Variants in PIP4K2A observed in about 807,000 individuals in gnomAD.
PIP4K2A encodes phosphatidylinositol 5-phosphate 4-kinase type-2 alpha.
PIP4K2A carries 14 observed loss-of-function variants against 42.9 expected under a neutral mutation model. The ratio of observed to expected loss-of-function variants is 0.33; its 90% confidence interval spans 0.22 to 0.51. The LOEUF (loss-of-function observed/expected upper bound fraction) is 0.51, where lower values mean the gene tolerates loss of function less well. PIP4K2A is among the 20% of genes least tolerant of loss of function. The probability of loss-of-function intolerance (pLI) is 0.97; values close to 1 mark genes in which losing one functional copy is unlikely to be tolerated. For synonymous variants in PIP4K2A, 192 were observed against 192.2 expected (o/e 1.00, Z 0.01); for missense variants, 434 against 519.8 (o/e 0.83, Z 1.61).
At chr10:22,649,978 T>A (rs1016829815) in intron 1 of PIP4K2A, among the ~76,000 whole-genome samples, 4 of 152,212 alleles carry the variant, frequency 2.6e-5, no homozygotes, top group Non-Finnish European at 5.9e-5. Flanking sequence ...CCAGAGTTCA[T>A]GGTTCTATCT....
At chr10:22,572,428 C>A (rs1023997222) in intron 5 of PIP4K2A, among the ~76,000 whole-genome samples, 1 of 152,118 alleles carries the variant, frequency 6.6e-6, no homozygotes, top group Non-Finnish European at 1.5e-5. Flanking sequence ...TCAGCCTGGG[C>A]AACATGGTGA....
rs138005634 is a variant in PIP4K2A at position 22,657,343 on chromosome 10, G to A, written c.145-47626C>T. 9.8e-5 allele frequency among the ~76,000 whole-genome samples: 15 copies of A among 152,308 alleles called. No homozygotes were observed. In the East Asian group the frequency reaches 1.9e-3, roughly 20 times the overall value. ...CAAAGCACTTAAGATAATGAATGAC[G>A]TTTAGGAACAAAGCACCAGTCTTCC... On this transcript the variant is annotated intron_variant, in intron 1 of 9. Coordinates refer to ENST00000376573, the MANE Select transcript of PIP4K2A (RefSeq NM_005028.5).
intron 1 of PIP4K2A, among the ~76,000 whole-genome samples, chr10:22,615,813 A>T (rs1838165715): frequency 6.6e-6 from 1 of 152,350 alleles, no homozygotes; most frequent in East Asian, 1.9e-4. Context: ...CAAACACAGT[A>T]TAGTTCTCTC....
At chr10:22,584,264 C>G (rs1837342200) in intron 4 of PIP4K2A, among the ~76,000 whole-genome samples, 2 of 151,498 alleles carry the variant, frequency 1.3e-5, no homozygotes, top group African/African-American at 2.4e-5. Context: ...AATGAACGGT[C>G]AGATTTTGAA....
intron 1 of PIP4K2A, among the ~76,000 whole-genome samples, chr10:22,677,853 G>A (rs769699776): frequency 6.6e-6 from 1 of 152,292 alleles, no homozygotes; most frequent in Non-Finnish European, 1.5e-5. Context: ...CCTTCTAGCT[G>A]AAGTTTAAAT....
At chr10:22,652,121 A>AT (rs1203639866) in intron 1 of PIP4K2A, among the ~76,000 whole-genome samples, 1 of 139,774 alleles carries the variant, frequency 7.2e-6, no homozygotes, top group Admixed American at 6.9e-5. Flanking sequence ...ACTGCACACA[A>AT]ATTTTTTTTT....
intron 1 of PIP4K2A, among the ~76,000 whole-genome samples, chr10:22,680,399 T>C (rs1839635805): frequency 6.6e-6 from 1 of 152,206 alleles, no homozygotes; most frequent in Non-Finnish European, 1.5e-5. Context: ...CTTTTCTAAA[T>C]CTTCTCCAAT....
At chr10:22,558,484 A>C (rs558538088) in intron 6 of PIP4K2A, among the ~76,000 whole-genome samples, 1 of 152,324 alleles carries the variant, frequency 6.6e-6, no homozygotes, top group East Asian at 1.9e-4. Flanking sequence ...GCTTCTTGGA[A>C]CATCTAAGCC....
chr10:22,552,962 G>T (rs1186339052), intron 6 of PIP4K2A, among the ~76,000 whole-genome samples: 1 of 152,138 alleles, frequency 6.6e-6, no homozygotes, highest in African/African-American at 2.4e-5. Context: ...TTACATGCTG[G>T]ATGTGTGTTT....
intron 4 of PIP4K2A, among the ~76,000 whole-genome samples, chr10:22,577,082 A>C (rs1218400187): frequency 2.0e-5 from 3 of 150,760 alleles, no homozygotes; most frequent in Non-Finnish European, 4.4e-5. Flanking sequence ...TGTCTCAAAA[A>C]AAAAAAAAAA....
At chr10:22,576,070 T>C (rs2130799755) in intron 4 of PIP4K2A, among the ~76,000 whole-genome samples, 1 of 152,310 alleles carries the variant, frequency 6.6e-6, no homozygotes, top group Admixed American at 6.5e-5. Flanking sequence ...TATAAACATG[T>C]ACAAACCCAC....
At chr10:22,676,276 G>C (rs1161357810) in intron 1 of PIP4K2A, among the ~76,000 whole-genome samples, 2 of 152,106 alleles carry the variant, frequency 1.3e-5, no homozygotes, top group East Asian at 3.9e-4. Flanking sequence ...TTCATGTAAA[G>C]TCATCAAGAT....
At position 22,536,481 on chromosome 10, in the gene PIP4K2A, CA is replaced by C. The variant is rs1420286961; in HGVS notation, c.*719del. On this transcript the variant is annotated 3_prime_UTR_variant, in exon 10 of 10. Transcript: ENST00000376573. Reference sequence around the variant, plus strand: ...CGGGAGGGGTGGGGGCTCTGGACACCAGGGGGTCCTGACAAGGCTGGGGCCA... The same window carrying C: ...CGGGAGGGGTGGGGGCTCTGGACACCGGGGGTCCTGACAAGGCTGGGGCCA... 2 of 186,568 alleles carry C rather than the reference CA, an allele frequency of 1.1e-5. No homozygotes were observed. The highest frequency in any genetic ancestry group is 2.0e-4 in the South Asian group (1 of 5,060). The allele number at this position is 186,568 out of a possible 1,614,324, so 11.6% of individuals were successfully genotyped here. A position where few individuals can be genotyped will look rare whatever the true frequency, so the allele number is the denominator to read the frequency against.
chr10:22,627,588 TAATAAAAAAAAAAAAAAAAAAAAA>T (rs1158499604), intron 1 of PIP4K2A, among the ~76,000 whole-genome samples: 2 of 38,956 alleles, frequency 5.1e-5, no homozygotes, highest in South Asian at 1.1e-3. Context: ...AGCTAATATG[TAATAAAAAAAAAAAAAAAAAAAAA>T]AAAAAAAAAA....
intron 8 of PIP4K2A, among the ~76,000 whole-genome samples, chr10:22,540,785 C>T (rs952117928): frequency 2.6e-5 from 4 of 152,168 alleles, no homozygotes; most frequent in Non-Finnish European, 4.4e-5. Context: ...AAACTCATGA[C>T]CTCAGGTGAT....
At chr10:22,601,130 CAAAAAAAAAA>C (rs1188396077) in intron 3 of PIP4K2A, among the ~76,000 whole-genome samples, 2 of 31,896 alleles carry the variant, frequency 6.3e-5, no homozygotes, top group African/African-American at 1.3e-4. Context: ...GAGACTGTCT[CAAAAAAAAAA>C]AAAAAAAAAA....
intron 1 of PIP4K2A, among the ~76,000 whole-genome samples, chr10:22,621,085 C>T (rs1246935614): frequency 2.0e-5 from 3 of 152,264 alleles, no homozygotes; most frequent in African/African-American, 4.8e-5. Context: ...TCTTCAGCCA[C>T]GTAAAGTTAA....
chr10:22,623,437 C>T (rs1408818703), intron 1 of PIP4K2A, among the ~76,000 whole-genome samples: 2 of 152,142 alleles, frequency 1.3e-5, no homozygotes, highest in African/African-American at 2.4e-5. Flanking sequence ...TCCACAAGGG[C>T]GGTGTGCTCC....
rs968607454 is a variant in PIP4K2A at position 22,711,913 on chromosome 10, G to GA, written c.144+2269dup. Among the ~76,000 whole-genome samples the GA allele has an allele frequency of 4.4e-4, 67 of 151,320 alleles. 1 individual carries two copies. Among genetic ancestry groups the GA allele is most frequent in the African/African-American group, 1.4e-3 (59 of 41,280 alleles). ...ATATAGTAAAGAAAATAGACATTTT[G>GA]AAAAAAAAGGCTGTGAAACAGACCT... On this transcript the variant is annotated intron_variant, in intron 1 of 9. Coordinates refer to ENST00000376573, the MANE Select transcript of PIP4K2A (RefSeq NM_005028.5).
Sources: allele counts gnomAD v4.1 joint callset (sites outside exome capture counted in the v4.1 genomes callset), GRCh38; gene constraint gnomAD v4.1.1; transcripts MANE v1.5; gene names NCBI Gene and HGNC (gene_info 2026-07-23, HGNC 2026-07-21).